LRRC74A: variants seen among roughly 807,000 people sequenced by gnomAD.
LRRC74A encodes the protein leucine-rich repeat-containing protein 74A.
LRRC74A carries 44 observed loss-of-function variants against 57.9 expected under a neutral mutation model. The ratio of observed to expected loss-of-function variants is 0.76; its 90% CI spans 0.60 to 0.98. The LOEUF (loss-of-function observed/expected upper bound fraction) is 0.98. Ranked by LOEUF, LRRC74A falls within the 50% of genes least tolerant of loss-of-function variation. The probability of loss-of-function intolerance (pLI) is 0.00; values close to 1 mark genes in which losing one functional copy is unlikely to be tolerated. For synonymous variants in LRRC74A, 211 were observed against 219.4 expected (o/e 0.96, Z 0.34); for missense variants, 572 against 574.0 (o/e 1.00, Z 0.04).
At chr14:76,859,662 C>CTTTT (rs1025552496) in intron 10 of LRRC74A, among the ~76,000 whole-genome samples, 4 of 80,902 alleles carry the variant, frequency 4.9e-5, no homozygotes, top group South Asian at 4.1e-4. Flanking sequence ...CTGAATTAGC[C>CTTTT]TTTTTTTTTT....
At chr14:76,862,259 G>A (rs895080414) in intron 11 of LRRC74A, among the ~76,000 whole-genome samples, 25 of 152,190 alleles carry the variant, frequency 1.6e-4, no homozygotes, top group African/African-American at 4.6e-4. Context: ...GGCCAGGCAC[G>A]GTGGCTATGC....
At chr14:76,838,067 G>C in intron 5 of LRRC74A, 96 bp downstream of exon 5, 2 of 806,914 alleles carry the variant, frequency 2.5e-6, no homozygotes, top group Non-Finnish European at 2.0e-6. Context: ...ACCAGACCAT[G>C]TCCTTCTAGT....
In LRRC74A at chr14:76,853,389, T is replaced by G. The variant is rs1050545745; in HGVS notation, c.936T>G (p.Asn312Lys). 4 of 1,609,852 alleles carry G rather than the reference T, an allele frequency of 2.5e-6. No homozygotes were observed. Among genetic ancestry groups the G allele is most frequent in the Non-Finnish European group, 2.5e-6 (3 of 1,178,404 alleles). Residue 312 changes from asparagine (N) to lysine (K), a missense_variant, in exon 9 of 14, where the codon AAT (asparagine) becomes AAG (lysine). Coordinates refer to ENST00000689127, the MANE Select transcript of LRRC74A (RefSeq NM_001385106.1). Reference protein sequence around the residue: ...ASKISKGLESNESLRVLKLFL... With the variant: ...ASKISKGLESKESLRVLKLFL... ...AAATCAGCAAAGGACTGGAATCCAA[T>G]GAAAGCCTCAGAGTTCTGAAGGTAG...
At position 76,857,439 on chromosome 14, in the gene LRRC74A, G is replaced by A. The variant is rs2272590; in HGVS notation, c.1017G>A (p.Arg339=). The stretch of plus-strand genomic sequence containing the variant: ...TTTTACTTATCCTGGCTATCAAGAG[G>A]AACCCCAAATCCAGGATGGAAGAGC... ...GAILLILAIK[R]NPKSRMEELD... is the part of the protein sequence containing the mutation. Residue 339 remains arginine, a synonymous_variant, in exon 10 of 14, where the codon AGG becomes AGA. Transcript: ENST00000689127. 0.014 allele frequency: 22,098 copies of A among 1,587,100 alleles called. 967 individuals carry two copies. Among genetic ancestry groups the A allele is most frequent in the East Asian group, 0.12 (5,146 of 44,172 alleles).
At chr14:76,852,564 C>T in intron 8 of LRRC74A, 114 bp downstream of exon 8, 1 of 662,504 alleles carries the variant, frequency 1.5e-6, no homozygotes, top group Non-Finnish European at 2.5e-6. Context: ...GCATACTGGG[C>T]TCTCATCAAA....
At chr14:76,829,274 C>A in intron 2 of LRRC74A, 1 of 1,006,706 alleles carries the variant, frequency 9.9e-7, no homozygotes, top group Non-Finnish European at 1.3e-6. Flanking sequence ...GGAGGAAGGC[C>A]AGTTCTGCCA....
In LRRC74A at chr14:76,863,358, C is replaced by T. The variant is rs531483416; in HGVS notation, c.1200+2519C>T. Among the ~76,000 whole-genome samples, 9 of 152,290 alleles carry T rather than the reference C, an allele frequency of 5.9e-5. No homozygotes were observed. The East Asian group carries it at 1.3e-3, about 23-fold the overall frequency. ...CCACCTGGCCCTTACTGTCTCTCCA[C>T]GTTCTAGCCCCACTGGATTGCTTCC... On this transcript the variant is annotated intron_variant, in intron 11 of 13. Transcript: ENST00000689127.
rs1897021736 is a variant in LRRC74A, at chr14:76,844,921, G to A, written c.676+20G>A. 12 of 1,337,924 alleles carry A rather than the reference G, an allele frequency of 9.0e-6. No individual in the cohort carries two copies. The highest frequency in any genetic ancestry group is 1.2e-5 in the Non-Finnish European group (11 of 929,894). 82.9% of individuals were successfully genotyped at this position (1,337,924 alleles called of 1,614,324 possible). A position where few individuals can be genotyped will look rare whatever the true frequency, so the allele number is the denominator to read the frequency against. ...TGCTGGGTGAGTCTCCCTGGAGGAAGGGACAGCAAAGGGGAGGGATAGGGA... is the reference window on the plus strand; with the variant it reads ...TGCTGGGTGAGTCTCCCTGGAGGAAAGGACAGCAAAGGGGAGGGATAGGGA... On this transcript the variant is annotated intron_variant, in intron 7 of 13. Coordinates refer to ENST00000689127, the MANE Select transcript of LRRC74A (RefSeq NM_001385106.1).
chr14:76,833,042 A>G (rs1896076525), intron 3 of LRRC74A, among the ~76,000 whole-genome samples: 1 of 152,228 alleles, frequency 6.6e-6, no homozygotes, highest in Non-Finnish European at 1.5e-5. Flanking sequence ...ACTGAGAAAT[A>G]ATTCTTTAAA....
chr14:76,856,746 G>A (rs931095556), intron 9 of LRRC74A, among the ~76,000 whole-genome samples: 1 of 150,558 alleles, frequency 6.6e-6, no homozygotes, highest in African/African-American at 2.5e-5. Flanking sequence ...ATGGATAAGT[G>A]AGTGGATGGA....
chr14:76,849,117 A>G (rs1304331676), intron 7 of LRRC74A, among the ~76,000 whole-genome samples: 1 of 152,114 alleles, frequency 6.6e-6, no homozygotes, highest in Non-Finnish European at 1.5e-5. Context: ...CTGAAAACTG[A>G]GGTCATAAAT....
intron 9 of LRRC74A, 114 bp downstream of exon 9, chr14:76,853,524 C>T (rs940579739): frequency 1.0e-6 from 1 of 996,766 alleles, no homozygotes; most frequent in Non-Finnish European, 1.5e-6. Context: ...TTGGGAATAT[C>T]TGTACTTCAT....
intron 8 of LRRC74A, among the ~76,000 whole-genome samples, chr14:76,852,814 G>A (rs1186578287): frequency 1.3e-5 from 2 of 151,848 alleles, no homozygotes; most frequent in Non-Finnish European, 2.9e-5. Context: ...AAACGGGGTT[G>A]TACCATGTTG....
At chr14:76,844,734 C>T (rs1474893417) in intron 6 of LRRC74A, 86 bp from the exon 7 acceptor site, 1 of 781,914 alleles carries the variant, frequency 1.3e-6, no homozygotes, top group African/African-American at 1.7e-5. Flanking sequence ...ACATCAGAGC[C>T]CCACCATCAT....
rs1334018570 is a variant in LRRC74A at position 76,851,364 on chromosome 14, T to G, written c.677-1001T>G. On this transcript the variant is annotated intron_variant, in intron 7 of 13. Coordinates refer to ENST00000689127, the MANE Select transcript of LRRC74A (RefSeq NM_001385106.1). The stretch of plus-strand genomic sequence containing the variant: ...CCAGATAAATAATTCTTGCTTTTAT[T>G]TATTTATTTTTGAGATGCAGTCTTG... Among the ~76,000 whole-genome samples the G allele has an allele frequency of 2.6e-5, 4 of 152,224 alleles. No homozygotes were observed. In the East Asian group the frequency reaches 7.7e-4, roughly 29 times the overall value.
intron 5 of LRRC74A, among the ~76,000 whole-genome samples, chr14:76,841,356 G>A (rs544072728): frequency 1.3e-4 from 20 of 152,116 alleles, no homozygotes; most frequent in African/African-American, 3.4e-4. Context: ...AATATGTTTC[G>A]TGTGTGAGTG....
intron 7 of LRRC74A, among the ~76,000 whole-genome samples, chr14:76,849,197 G>A (rs1254578361): frequency 6.6e-6 from 1 of 152,072 alleles, no homozygotes; most frequent in Non-Finnish European, 1.5e-5. Context: ...TGTTGCCCAG[G>A]CTGGGTGGAG....
At chr14:76,839,432 GT>G (rs1191238377) in intron 5 of LRRC74A, among the ~76,000 whole-genome samples, 1 of 152,168 alleles carries the variant, frequency 6.6e-6, no homozygotes, top group East Asian at 1.9e-4. Flanking sequence ...CACTGGGCAA[GT>G]TTTTTAAACA....
chr14:76,837,981 T>C lies in LRRC74A; in HGVS notation c.544+10T>C. ...AGCCTTGAGCTTTCAGGTGAGCACATGGAAAGGGAGGGAGAAGACACTGGG... is the reference window on the plus strand; with the variant it reads ...AGCCTTGAGCTTTCAGGTGAGCACACGGAAAGGGAGGGAGAAGACACTGGG... On this transcript the variant is annotated intron_variant, in intron 5 of 13. Coordinates refer to ENST00000689127, the MANE Select transcript of LRRC74A (RefSeq NM_001385106.1). 2 of 1,521,118 alleles carry C rather than the reference T, an allele frequency of 1.3e-6. No homozygotes were observed. Among genetic ancestry groups the C allele is most frequent in the Non-Finnish European group, 1.8e-6 (2 of 1,115,284 alleles). 94.2% of individuals were successfully genotyped at this position (1,521,118 alleles called of 1,614,324 possible).
Sources: allele counts gnomAD v4.1 joint callset (sites outside exome capture counted in the v4.1 genomes callset), GRCh38; gene constraint gnomAD v4.1.1; transcripts MANE v1.5; gene names NCBI Gene and HGNC (gene_info 2026-07-23, HGNC 2026-07-21).